AKAP19: variants seen among roughly 807,000 people sequenced by gnomAD.
The protein encoded by AKAP19 is small A-kinase anchoring protein.
At chr2:190,056,033 C>T in the AKAP19 span, 1 of 152,422 alleles carries the variant, frequency 6.6e-6, no homozygotes, top group Non-Finnish European at 1.5e-5. Flanking sequence ...TTCAAATTCA[C>T]TTTATACAGC....
At chr2:190,048,947 AG>A in the AKAP19 span, among the ~76,000 whole-genome samples, 1 of 152,236 alleles carries the variant, frequency 6.6e-6, no homozygotes, top group Non-Finnish European at 1.5e-5. Flanking sequence ...AAATCATAAA[AG>A]TATTAAAATA....
the AKAP19 span, among the ~76,000 whole-genome samples, chr2:189,968,135 A>G: frequency 3.9e-5 from 6 of 152,350 alleles, no homozygotes; most frequent in East Asian, 1.9e-4. Flanking sequence ...AAAAAAGGAA[A>G]GAAAGAAATA....
chr2:189,924,782 T>C, the AKAP19 span, among the ~76,000 whole-genome samples: 1 of 152,072 alleles, frequency 6.6e-6, no homozygotes, highest in Non-Finnish European at 1.5e-5. Context: ...AGTCTTAAGA[T>C]TTGTTTTCTA....
the AKAP19 span, among the ~76,000 whole-genome samples, chr2:189,950,975 G>A: frequency 2.0e-5 from 3 of 152,042 alleles, no homozygotes; most frequent in African/African-American, 7.2e-5. Context: ...ATGCCTGGAG[G>A]GTTGGGGTGG....
At chr2:189,918,069 A>C in the AKAP19 span, among the ~76,000 whole-genome samples, 1 of 151,722 alleles carries the variant, frequency 6.6e-6, no homozygotes, top group African/African-American at 2.4e-5. Context: ...AAGTGTAGAA[A>C]CCTTACCTCC....
chr2:190,201,044 T>G, the AKAP19 span: 1 of 155,862 alleles, frequency 6.4e-6, no homozygotes, highest in Non-Finnish European at 1.6e-5. Flanking sequence ...GCGGTCACCA[T>G]TAAAATAGAC....
At chr2:189,902,806 T>C in the AKAP19 span, among the ~76,000 whole-genome samples, 59 of 151,872 alleles carry the variant, frequency 3.9e-4, no homozygotes, top group Admixed American at 1.4e-3. Flanking sequence ...ATTTAGCCAA[T>C]AGGAAAGAGT....
chr2:189,892,468 A>G, the AKAP19 span, among the ~76,000 whole-genome samples: 2 of 152,112 alleles, frequency 1.3e-5, no homozygotes, highest in Non-Finnish European at 2.9e-5. Context: ...TATGTTTGTT[A>G]GTTTTCCTTC....
chr2:190,143,284 G>GAAAA, the AKAP19 span, among the ~76,000 whole-genome samples: 7 of 118,918 alleles, frequency 5.9e-5, no homozygotes, highest in South Asian at 6.3e-4. Flanking sequence ...TATCCTGTAG[G>GAAAA]AAAAAAAAAA....
At chr2:190,195,021 AT>A in the AKAP19 span, among the ~76,000 whole-genome samples, 1 of 151,766 alleles carries the variant, frequency 6.6e-6, no homozygotes, top group African/African-American at 2.4e-5. Flanking sequence ...TGCCTGGCTA[AT>A]TTTTTTCATA....
the AKAP19 span, among the ~76,000 whole-genome samples, chr2:189,999,355 G>T: frequency 6.6e-6 from 1 of 151,976 alleles, no homozygotes. Context: ...TTTGAAGTGG[G>T]TTGTTTACTT....
chr2:190,096,225 T>G, the AKAP19 span, among the ~76,000 whole-genome samples: 1 of 152,154 alleles, frequency 6.6e-6, no homozygotes, highest in Non-Finnish European at 1.5e-5. Flanking sequence ...CACGAAAGTC[T>G]CCTGTGGCCC....
the AKAP19 span, among the ~76,000 whole-genome samples, chr2:190,157,485 C>G: frequency 6.6e-6 from 1 of 151,618 alleles, no homozygotes; most frequent in Non-Finnish European, 1.5e-5. Context: ...TTTGGAAGAA[C>G]TACATTTACT....
At chr2:190,060,101 A>T in the AKAP19 span, 2 of 1,612,662 alleles carry the variant, frequency 1.2e-6, no homozygotes, top group Admixed American at 1.7e-5. Flanking sequence ...TTACAGCAAG[A>T]TCATGACCAT....
At chr2:190,132,268 A>C in the AKAP19 span, among the ~76,000 whole-genome samples, 1 of 152,168 alleles carries the variant, frequency 6.6e-6, no homozygotes, top group African/African-American at 2.4e-5. Context: ...TCCAATGACA[A>C]TTTTCACAGA....
the AKAP19 span, among the ~76,000 whole-genome samples, chr2:190,065,494 G>A: frequency 6.6e-6 from 1 of 152,088 alleles, no homozygotes; most frequent in African/African-American, 2.4e-5. Context: ...TATGCCTAAG[G>A]GAAAAAAGTT....
At chr2:190,170,700 T>A in the AKAP19 span, among the ~76,000 whole-genome samples, 1 of 152,192 alleles carries the variant, frequency 6.6e-6, no homozygotes, top group Non-Finnish European at 1.5e-5. Context: ...AAGCTTTTTT[T>A]TAATGAGACA....
chr2:190,084,042 G>A, the AKAP19 span, among the ~76,000 whole-genome samples: 1 of 150,766 alleles, frequency 6.6e-6, no homozygotes, highest in Admixed American at 6.6e-5. Flanking sequence ...TTTGCACAAA[G>A]CCCTACCCCC....
the AKAP19 span, among the ~76,000 whole-genome samples, chr2:190,187,032 A>T: frequency 0.14 from 20,555 of 151,838 alleles, 2,307 homozygotes; most frequent in African/African-American, 0.31. Flanking sequence ...TAGAGATGGC[A>T]TTTCACCATG....
Sources: allele counts gnomAD v4.1 joint callset (sites outside exome capture counted in the v4.1 genomes callset), GRCh38; gene constraint gnomAD v4.1.1; transcripts MANE v1.5; gene names NCBI Gene and HGNC (gene_info 2026-07-23, HGNC 2026-07-21).